ATG7: variants seen among roughly 807,000 people sequenced by gnomAD.
ATG7 encodes ubiquitin-like modifier-activating enzyme ATG7.
A neutral mutation model predicts 82.4 loss-of-function variants in ATG7; 70 were observed. The ratio of observed to expected loss-of-function variants is 0.85; its 90% CI spans 0.70 to 1.04. ATG7 has a LOEUF of 1.04. Ranked by LOEUF, ATG7 falls within the 50% of genes least tolerant of loss-of-function variation. The pLI is 0.00. For missense variants in ATG7, 792 were observed against 864.3 expected (o/e 0.92, Z 1.05); for synonymous variants, 287 against 313.0 (o/e 0.92, Z 0.88).
chr3:11,549,018 C>T (rs2071536996), intron 20 of ATG7, among the ~76,000 whole-genome samples: 1 of 151,838 alleles, frequency 6.6e-6, no homozygotes, highest in Non-Finnish European at 1.5e-5. Context: ...ACAAACAGAA[C>T]ATATTGTGAA....
downstream of ATG7, chr3:11,557,960 A>G (rs892680444): frequency 1.3e-5 from 2 of 150,158 alleles, no homozygotes; most frequent in Admixed American, 6.5e-5. Flanking sequence ...ACAACAACAA[A>G]CACACAAATG....
At chr3:11,546,162 ATTTTTTTTTTTT>A (rs36042370) in intron 20 of ATG7, among the ~76,000 whole-genome samples, 4 of 68,858 alleles carry the variant, frequency 5.8e-5, no homozygotes, top group South Asian at 6.8e-4. Context: ...CCAAAACTGG[ATTTTTTTTTTTT>A]TTTTTTTTTT....
intron 5 of ATG7, among the ~76,000 whole-genome samples, chr3:11,301,933 T>TA (rs1946852583): frequency 6.6e-6 from 1 of 152,248 alleles, no homozygotes; most frequent in Admixed American, 6.5e-5. Context: ...GGTTTGAACT[T>TA]ACTACAAAAT....
intron 20 of ATG7, among the ~76,000 whole-genome samples, chr3:11,523,276 G>A (rs2092488426): frequency 6.6e-6 from 1 of 152,170 alleles, no homozygotes; most frequent in Non-Finnish European, 1.5e-5. Flanking sequence ...GTGCAGGGGA[G>A]GGGAAATAGG....
intron 20 of ATG7, among the ~76,000 whole-genome samples, chr3:11,493,230 C>G (rs2090542802): frequency 6.6e-6 from 1 of 152,188 alleles, no homozygotes; most frequent in Admixed American, 6.5e-5. Context: ...GTCAATTTGC[C>G]TCTCTGCCCC....
At chr3:11,423,714 C>T (rs530415115) in intron 19 of ATG7, among the ~76,000 whole-genome samples, 2 of 152,206 alleles carry the variant, frequency 1.3e-5, no homozygotes, top group East Asian at 3.9e-4. Flanking sequence ...TACACTCCCC[C>T]AGCTCTCTAG....
intron 20 of ATG7, among the ~76,000 whole-genome samples, chr3:11,491,659 G>C (rs1255649758): frequency 6.6e-6 from 1 of 152,148 alleles, no homozygotes; most frequent in African/African-American, 2.4e-5. Flanking sequence ...TGGTGTGGAT[G>C]TCCTTTCTGT....
In ATG7 at chr3:11,554,981, G is replaced by A. The variant is rs982311016; in HGVS notation, c.*138G>A. ...CCCGAGGTCTGGGATTCCCCCCTCT[G>A]CTGCCCAGGAGTGGCCAGTGTTCGG... is the stretch of plus-strand genomic sequence containing the variant. On this transcript the variant is annotated 3_prime_UTR_variant, in exon 21 of 21. Coordinates refer to ENST00000693202, the MANE Select transcript of ATG7 (RefSeq NM_001349232.2). 13 of 1,135,964 alleles carry A rather than the reference G, an allele frequency of 1.1e-5. No homozygotes were observed. The highest frequency in any genetic ancestry group is 1.6e-5 in the African/African-American group (1 of 63,956). The allele number at this position is 1,135,964 out of a possible 1,614,324, so 70.4% of individuals were successfully genotyped here.
At chr3:11,554,477 G>A (rs1192780578) in intron 20 of ATG7, among the ~76,000 whole-genome samples, 2 of 152,198 alleles carry the variant, frequency 1.3e-5, no homozygotes, top group African/African-American at 4.8e-5. Context: ...GGCTTGGGGT[G>A]GGGGTGAGTG....
the ATG7 span, among the ~76,000 whole-genome samples, chr3:11,573,190 CAGAA>C: frequency 1.4e-5 from 2 of 142,876 alleles, no homozygotes; most frequent in African/African-American, 5.2e-5. Flanking sequence ...GACAGACAGA[CAGAA>C]AGAAAGAAAA....
At chr3:11,283,520 G>A (rs1943426051) in intron 3 of ATG7, among the ~76,000 whole-genome samples, 1 of 152,140 alleles carries the variant, frequency 6.6e-6, no homozygotes, top group African/African-American at 2.4e-5. Context: ...ACCTGCCCTA[G>A]GCTTCTCAGC....
downstream of ATG7, chr3:11,558,461 AC>A: frequency 1.8e-6 from 1 of 568,508 alleles, no homozygotes; most frequent in Non-Finnish European, 2.6e-6. Flanking sequence ...CCTTCCCCCC[AC>A]CCCACCCCCA....
At chr3:11,315,075 A>C (rs1054118388) in intron 8 of ATG7, among the ~76,000 whole-genome samples, 1 of 151,908 alleles carries the variant, frequency 6.6e-6, no homozygotes, top group Non-Finnish European at 1.5e-5. Context: ...CCGCTCTAAA[A>C]CTCTGATTGA....
intron 20 of ATG7, among the ~76,000 whole-genome samples, chr3:11,552,963 G>A (rs75486088): frequency 1.3e-5 from 2 of 152,130 alleles, no homozygotes; most frequent in African/African-American, 2.4e-5. Flanking sequence ...GCCCAGGCCC[G>A]AGTCCTCTTA....
intron 20 of ATG7, among the ~76,000 whole-genome samples, chr3:11,540,374 C>T (rs1302743035): frequency 6.6e-6 from 1 of 152,142 alleles, no homozygotes; most frequent in Non-Finnish European, 1.5e-5. Flanking sequence ...TTATGTGACC[C>T]TTCTTTCAAA....
At position 11,299,745 on chromosome 3, in the gene ATG7, C is replaced by T. The variant is rs575508275; in HGVS notation, c.215+329C>T. Among the ~76,000 whole-genome samples the T allele has an allele frequency of 2.6e-5, 4 of 152,140 alleles. No homozygotes were observed. In the South Asian group the frequency reaches 8.3e-4, roughly 32 times the overall value. ...TTCTTGATACCTCTCTTGATTCACT[C>T]CTTTAGTCCATGGGCATTGTCCATG... On this transcript the variant is annotated intron_variant, in intron 5 of 20. Transcript: ENST00000693202.
At chr3:11,327,011 G>A (rs769824742) in intron 9 of ATG7, among the ~76,000 whole-genome samples, 4 of 152,182 alleles carry the variant, frequency 2.6e-5, no homozygotes, top group East Asian at 1.9e-4. Context: ...TCAGGTCTGC[G>A]TCAGTCAGGC....
In ATG7 at chr3:11,372,821, C is replaced by T. The variant is rs553983478; in HGVS notation, c.1876-7151C>T. Reference sequence around the variant, plus strand: ...GGCTGGGTGTGTGTGTGTGTGCGCGCGTGTGCGTGTGTGTGCGTGCGTGCG... The same window carrying T: ...GGCTGGGTGTGTGTGTGTGTGCGCGTGTGTGCGTGTGTGTGCGTGCGTGCG... On this transcript the variant is annotated intron_variant, in intron 18 of 20. Coordinates refer to ENST00000693202, the MANE Select transcript of ATG7 (RefSeq NM_001349232.2). Among the ~76,000 whole-genome samples the T allele has an allele frequency of 1.7e-3, 212 of 125,396 alleles. 4 individuals are homozygous for T. The highest frequency in any genetic ancestry group is 6.3e-3 in the African/African-American group (168 of 26,596). 82.3% of individuals were successfully genotyped at this position (125,396 alleles called of 152,430 possible). A position where few individuals can be genotyped will look rare whatever the true frequency, so the allele number is the denominator to read the frequency against.
chr3:11,280,954 A>C (rs1180812916), intron 1 of ATG7, 40 bp from the exon 2 acceptor site: 1 of 152,228 alleles, frequency 6.6e-6, no homozygotes, highest in Non-Finnish European at 1.5e-5. Flanking sequence ...CCTTTGAATA[A>C]GATTATTTTA....
Sources: allele counts gnomAD v4.1 joint callset (sites outside exome capture counted in the v4.1 genomes callset), GRCh38; gene constraint gnomAD v4.1.1; transcripts MANE v1.5; gene names NCBI Gene and HGNC (gene_info 2026-07-23, HGNC 2026-07-21).